PLEKHG1: variants seen among roughly 807,000 people sequenced by gnomAD.
PLEKHG1 encodes the protein pleckstrin homology domain-containing family G member 1.
Under a neutral mutation model 100.8 loss-of-function variants are expected in PLEKHG1, and 44 were observed. That is an observed-to-expected ratio of 0.44 (90% CI 0.34 to 0.56). The LOEUF (loss-of-function observed/expected upper bound fraction) is 0.56. Ranked by LOEUF, PLEKHG1 falls within the 20% of genes least tolerant of loss-of-function variation. PLEKHG1 has a pLI of 0.01. For missense variants in PLEKHG1, 1,545 were observed against 1,720.9 expected (o/e 0.90, Z 1.81); for synonymous variants, 640 against 662.5 (o/e 0.97, Z 0.52).
At chr6:150,637,194 A>C (rs2128565574) in intron 1 of PLEKHG1, among the ~76,000 whole-genome samples, 1 of 152,324 alleles carries the variant, frequency 6.6e-6, no homozygotes, top group South Asian at 2.1e-4. Flanking sequence ...GAAAACCTAA[A>C]GCCATTATGC....
chr6:150,648,836 G>A (rs1778600655), intron 2 of PLEKHG1, among the ~76,000 whole-genome samples: 1 of 152,016 alleles, frequency 6.6e-6, no homozygotes. Context: ...TTATAAAACT[G>A]TTTCCAATGA....
chr6:150,807,497 A>G (rs1787196337), intron 7 of PLEKHG1, among the ~76,000 whole-genome samples: 2 of 152,212 alleles, frequency 1.3e-5, no homozygotes, highest in African/African-American at 4.8e-5. Context: ...GTGCTTGTGA[A>G]TATTTTCATT....
At chr6:150,837,704 A>G (rs1418386095) in intron 15 of PLEKHG1, among the ~76,000 whole-genome samples, 1 of 152,232 alleles carries the variant, frequency 6.6e-6, no homozygotes, top group Non-Finnish European at 1.5e-5. Context: ...TAATGACTAT[A>G]TTAAAGGTCC....
At chr6:150,702,557 G>GGTGGGT (rs1554261635) in intron 3 of PLEKHG1, among the ~76,000 whole-genome samples, 9 of 142,830 alleles carry the variant, frequency 6.3e-5, no homozygotes, top group African/African-American at 2.4e-4. Context: ...TTTGTTTTGG[G>GGTGGGT]GTGTGTGTGT....
chr6:150,686,192 A>G (rs2128591225), intron 3 of PLEKHG1, among the ~76,000 whole-genome samples: 1 of 152,348 alleles, frequency 6.6e-6, no homozygotes, highest in Admixed American at 6.5e-5. Context: ...TCCACAGGAG[A>G]GCTAATTAGG....
intron 2 of PLEKHG1, among the ~76,000 whole-genome samples, chr6:150,748,414 T>A (rs560244350): frequency 5.3e-5 from 8 of 152,274 alleles, no homozygotes; most frequent in African/African-American, 1.9e-4. Context: ...AGTGTTTTAT[T>A]TGATATTTTA....
chr6:150,768,916 G>A (rs1211942217), intron 3 of PLEKHG1, among the ~76,000 whole-genome samples, 178 bp downstream of exon 4: 1 of 152,090 alleles, frequency 6.6e-6, no homozygotes, highest in Non-Finnish European at 1.5e-5. Flanking sequence ...AGTCTCACAT[G>A]TATTCCATAT....
At chr6:150,644,335 T>TTTTTTTTTTTTTTG (rs1778398922) in intron 2 of PLEKHG1, among the ~76,000 whole-genome samples, 1 of 61,130 alleles carries the variant, frequency 1.6e-5, no homozygotes, top group African/African-American at 4.4e-5. Context: ...TCTTTTCGTG[T>TTTTTTTTTTTTTTG]TTTTTTTTTT....
At chr6:150,686,275 C>T (rs974561437) in intron 3 of PLEKHG1, among the ~76,000 whole-genome samples, 1 of 152,228 alleles carries the variant, frequency 6.6e-6, no homozygotes, top group Admixed American at 6.5e-5. Context: ...AATCTCTTAA[C>T]CAACTTTCGT....
intron 7 of PLEKHG1, among the ~76,000 whole-genome samples, chr6:150,808,737 G>T (rs897771721): frequency 9.2e-5 from 14 of 152,108 alleles, no homozygotes; most frequent in African/African-American, 3.4e-4. Context: ...GGGTGACAGA[G>T]CGAGACTCTG....
exon 4 of PLEKHG1, chr6:150,786,446 G>C: frequency 6.2e-7 from 1 of 1,611,392 alleles, no homozygotes; most frequent in Non-Finnish European, 8.5e-7. Context: ...ATAGCAGAGT[G>C]TTTTGTGTCC....
exon 15 of PLEKHG1, chr6:150,830,655 G>C (rs1303676970): frequency 1.9e-6 from 3 of 1,613,830 alleles, no homozygotes; most frequent in African/African-American, 2.7e-5. Flanking sequence ...AGTCAGCCTA[G>C]CAGTTCTACC....
intron 10 of PLEKHG1, among the ~76,000 whole-genome samples, chr6:150,813,427 T>G (rs1386736658): frequency 6.6e-6 from 1 of 151,726 alleles, no homozygotes; most frequent in Non-Finnish European, 1.5e-5. Flanking sequence ...TTTCAAAATC[T>G]GCTCAGCAGC....
intron 3 of PLEKHG1, among the ~76,000 whole-genome samples, chr6:150,660,829 G>A (rs12664686): frequency 0.16 from 24,776 of 152,198 alleles, 2,183 homozygotes; most frequent in South Asian, 0.24. Context: ...TTTGCACAAA[G>A]TCTATTTCTA....
At chr6:150,810,514 A>AAAGAAAGAAAGAAAGAAAGAAAG (rs1787439206) in intron 10 of PLEKHG1, among the ~76,000 whole-genome samples, 3 of 88,642 alleles carry the variant, frequency 3.4e-5, no homozygotes, top group African/African-American at 1.0e-4. Context: ...GAAAGAAAGA[A>AAAGAAAGAAAGAAAGAAAGAAAG]AAAGAAAGAA....
At chr6:150,829,385 G>T (rs1776786490) in intron 14 of PLEKHG1, among the ~76,000 whole-genome samples, 1 of 152,204 alleles carries the variant, frequency 6.6e-6, no homozygotes, top group South Asian at 2.1e-4. Flanking sequence ...AGGCCAAGGT[G>T]GGCGGATCTC....
intron 3 of PLEKHG1, among the ~76,000 whole-genome samples, chr6:150,678,229 C>T (rs112890282): frequency 2.0e-5 from 3 of 151,716 alleles, no homozygotes; most frequent in Non-Finnish European, 2.9e-5. Context: ...AATGGATCAC[C>T]AGAGCCTGTT....
upstream of PLEKHG1, among the ~76,000 whole-genome samples, chr6:150,719,736 G>A (rs1300245547): frequency 1.3e-5 from 2 of 152,196 alleles, no homozygotes; most frequent in African/African-American, 2.4e-5. Flanking sequence ...AGGGGTTGCT[G>A]TGGAGGCCAG....
In PLEKHG1 at chr6:150,832,206, G is replaced by A; in HGVS notation, c.3094+1G>A. ...AAGAAGCAAGGAGGGCCCGCCATTG[G>A]TATGTGCACCCTGCCCTTCTTCCTT... On this transcript the variant is annotated splice_donor_variant, in intron 15 of 15. Coordinates refer to ENST00000358517, the Ensembl canonical transcript of PLEKHG1. LOFTEE classifies it high-confidence loss of function. The A allele has an allele frequency of 6.4e-7, 1 of 1,574,406 alleles. No individual in the cohort carries two copies. Among genetic ancestry groups the A allele is most frequent in the East Asian group, 2.2e-5 (1 of 44,726 alleles).
Sources: allele counts gnomAD v4.1 joint callset (sites outside exome capture counted in the v4.1 genomes callset), GRCh38; gene constraint gnomAD v4.1.1; transcripts MANE v1.5; gene names NCBI Gene and HGNC (gene_info 2026-07-23, HGNC 2026-07-21).